The following AFF3 variants were observed in gnomAD, a reference collection of about 807,000 sequenced individuals.
The protein encoded by AFF3 is ALF transcription elongation factor 3.
A neutral mutation model predicts 129.7 loss-of-function variants in AFF3; 32 were observed. That is an observed-to-expected ratio of 0.25 (90% CI 0.19 to 0.33). The LOEUF (loss-of-function observed/expected upper bound fraction) is 0.33, where lower values mean the gene tolerates loss of function less well. Ranked by LOEUF, AFF3 falls within the 10% of genes least tolerant of loss-of-function variation. The probability of loss-of-function intolerance (pLI) is 1.00; values close to 1 mark genes in which losing one functional copy is unlikely to be tolerated. For synonymous variants in AFF3, 644 were observed against 635.4 expected, an observed-to-expected ratio of 1.01 and a Z score of -0.20; for missense variants, 1,373 against 1,592.0, an observed-to-expected ratio of 0.86 and a Z score of 2.34.
intron 8 of AFF3, among the ~76,000 whole-genome samples, chr2:99,781,450 T>C (rs893346934): frequency 1.3e-5 from 2 of 152,266 alleles, no homozygotes; most frequent in African/African-American, 4.8e-5. Context: ...TGTTCATTGC[T>C]ATATCTTAGG....
chr2:100,107,307 T>G lies in AFF3; in HGVS notation c.-144-1724A>C, dbSNP rs149107297. ...AGATCTTTATTATTTATCTGGTTTA[T>G]GAAGATGTTCCTATTATCCTCCAGC... is the stretch of plus-strand genomic sequence containing the variant. On this transcript the variant is annotated intron_variant, in intron 2 of 24. Coordinates refer to ENST00000672756, the MANE Select transcript of AFF3 (RefSeq NM_001386135.1). 13 of 985,410 alleles carry G rather than the reference T, an allele frequency of 1.3e-5. No individual in the cohort carries two copies. The East Asian group carries it at 6.8e-4, about 52-fold the overall frequency. The allele number at this position is 985,410 out of a possible 1,614,324, so 61.0% of individuals were successfully genotyped here. A position where few individuals can be genotyped will look rare whatever the true frequency, so the allele number is the denominator to read the frequency against.
chr2:99,877,627 G>A (rs943127814), intron 7 of AFF3, among the ~76,000 whole-genome samples: 7 of 152,150 alleles, frequency 4.6e-5, no homozygotes, highest in African/African-American at 1.7e-4. Context: ...ATGAAGCCAG[G>A]ATGATTATTT....
chr2:99,846,637 C>A (rs957095497), intron 7 of AFF3, among the ~76,000 whole-genome samples: 1 of 152,230 alleles, frequency 6.6e-6, no homozygotes, highest in Non-Finnish European at 1.5e-5. Flanking sequence ...TCCTACTTAG[C>A]ACCACTCTAA....
intron 12 of AFF3, among the ~76,000 whole-genome samples, chr2:99,652,818 T>C (rs1685391509): frequency 6.6e-6 from 1 of 152,188 alleles, no homozygotes; most frequent in South Asian, 2.1e-4. Flanking sequence ...CCCTAGATTC[T>C]GAATGAAGAC....
intron 7 of AFF3, among the ~76,000 whole-genome samples, chr2:99,930,049 G>GC (rs1227514560): frequency 1.3e-5 from 2 of 152,004 alleles, no homozygotes; most frequent in Non-Finnish European, 2.9e-5. Context: ...CTGTACACAA[G>GC]CATCTCTCTA....
At chr2:99,586,707 G>A (rs1167693518) in intron 16 of AFF3, among the ~76,000 whole-genome samples, 1 of 152,120 alleles carries the variant, frequency 6.6e-6, no homozygotes, top group Non-Finnish European at 1.5e-5. Context: ...TTGGGAGCAC[G>A]GACCCTTCTA....
chr2:99,648,309 C>A (rs548315552), intron 13 of AFF3, among the ~76,000 whole-genome samples: 1 of 152,340 alleles, frequency 6.6e-6, no homozygotes, highest in African/African-American at 2.4e-5. Context: ...GTTTCCCTTG[C>A]GTCTCAGTGC....
intron 16 of AFF3, among the ~76,000 whole-genome samples, chr2:99,583,302 C>T (rs549079857): frequency 5.9e-5 from 9 of 152,228 alleles, no homozygotes; most frequent in Non-Finnish European, 1.3e-4. Flanking sequence ...CTCAAAATAC[C>T]CAACAAACAA....
chr2:99,953,427 T>C (rs1006026611), intron 7 of AFF3, among the ~76,000 whole-genome samples: 1 of 152,204 alleles, frequency 6.6e-6, no homozygotes, highest in African/African-American at 2.4e-5. Context: ...TGCATTTCCC[T>C]TCCTTTGTTT....
intron 8 of AFF3, among the ~76,000 whole-genome samples, chr2:99,779,308 T>C (rs1391401410): frequency 6.6e-6 from 1 of 152,200 alleles, no homozygotes; most frequent in African/African-American, 2.4e-5. Flanking sequence ...TATCATTTAT[T>C]TATAGTTAGA....
chr2:99,707,263 A>C (rs1336664794), intron 11 of AFF3: 1 of 985,334 alleles, frequency 1.0e-6, no homozygotes, highest in East Asian at 1.1e-4. Context: ...CCAAGATTAA[A>C]GGAAGAGCCT....
intron 7 of AFF3, among the ~76,000 whole-genome samples, chr2:99,950,405 G>C (rs975049533): frequency 6.6e-6 from 1 of 152,168 alleles, no homozygotes; most frequent in Non-Finnish European, 1.5e-5. Flanking sequence ...GGTTCTAGGA[G>C]AGGAAGAATA....
At chr2:99,789,768 CCTAA>C (rs746877505) in intron 8 of AFF3, among the ~76,000 whole-genome samples, 8 of 152,278 alleles carry the variant, frequency 5.3e-5, no homozygotes, top group Non-Finnish European at 1.0e-4. Flanking sequence ...AAGTTACAGA[CCTAA>C]CTGAGTCCTT....
At chr2:99,578,115 G>A (rs192962496) in intron 18 of AFF3, among the ~76,000 whole-genome samples, 3 of 152,034 alleles carry the variant, frequency 2.0e-5, no homozygotes, top group East Asian at 3.9e-4. Flanking sequence ...TGATTATTCC[G>A]TCTACCCAAA....
intron 17 of AFF3, among the ~76,000 whole-genome samples, 175 bp from the exon 18 acceptor site, chr2:99,578,626 C>CT (rs1677219691): frequency 1.3e-5 from 2 of 152,174 alleles, no homozygotes; most frequent in South Asian, 4.1e-4. Flanking sequence ...TAGGTATTTG[C>CT]TGAGGGCTTC....
chr2:99,729,720 T>A (rs991742881), intron 10 of AFF3, among the ~76,000 whole-genome samples: 1 of 145,320 alleles, frequency 6.9e-6, no homozygotes, highest in Non-Finnish European at 1.5e-5. Flanking sequence ...TTAGTACAAA[T>A]TTTTTTTTTT....
intron 7 of AFF3, among the ~76,000 whole-genome samples, chr2:99,904,243 AT>A (rs1694553849): frequency 6.6e-6 from 1 of 152,150 alleles, no homozygotes; most frequent in Non-Finnish European, 1.5e-5. Context: ...CCAATACACA[AT>A]GCAAAACAGG....
intron 4 of AFF3, among the ~76,000 whole-genome samples, chr2:100,019,188 T>A (rs1683383222): frequency 6.6e-6 from 1 of 152,094 alleles, no homozygotes; most frequent in Middle Eastern, 3.2e-3. Context: ...CCCTCAACGT[T>A]AGCCGTAAAA....
intron 15 of AFF3, among the ~76,000 whole-genome samples, chr2:99,587,617 A>C (rs565950009): frequency 6.6e-6 from 1 of 152,158 alleles, no homozygotes; most frequent in South Asian, 2.1e-4. Context: ...AGCGGCACTC[A>C]CCTTGGCATT....
Sources: gnomAD v4.1 joint callset for allele counts (sites outside exome capture counted in the v4.1 genomes callset) on GRCh38, gnomAD v4.1.1 for gene constraint, MANE v1.5 for transcripts, NCBI Gene and HGNC (gene_info 2026-07-23, HGNC 2026-07-21) for gene names.